Variants in EBF1 observed in about 807,000 individuals in gnomAD.
EBF1 encodes the protein EBF transcription factor 1.
Under a neutral mutation model 68.4 loss-of-function variants are expected in EBF1, and 10 were observed. The observed-to-expected ratio is 0.15, with a 90% CI of 0.09 to 0.25. The LOEUF is 0.25. Ranked by LOEUF, EBF1 falls within the 10% of genes least tolerant of loss-of-function variation. EBF1 has a pLI of 1.00. For missense variants in EBF1, 509 were observed against 794.4 expected, an observed-to-expected ratio of 0.64 and a Z score of 4.32; for synonymous variants, 298 against 299.8, an observed-to-expected ratio of 0.99 and a Z score of 0.06.
intron 10 of EBF1, among the ~76,000 whole-genome samples, chr5:158,764,464 AT>A (rs1020357715): frequency 1.3e-5 from 2 of 152,226 alleles, no homozygotes; most frequent in African/African-American, 4.8e-5. Flanking sequence ...TCCTTCACAC[AT>A]TTTTTAATGC....
Position 158,699,792 on chromosome 5 carries a change from C to T in EBF1, c.1745-650G>A, listed in dbSNP as rs758686271. Among the ~76,000 whole-genome samples, 79 of 152,296 alleles carry T rather than the reference C, an allele frequency of 5.2e-4. No individual in the cohort carries two copies. In the Middle Eastern group the frequency reaches 0.014, roughly 26 times the overall value. On this transcript the variant is annotated intron_variant, in intron 15 of 15. Coordinates refer to ENST00000313708, the MANE Select transcript of EBF1 (RefSeq NM_024007.5). ...TCTTCCATATCACGGCTTCACTCAA[C>T]GTTTCGGGAATGATCTGACCATATT...
At chr5:158,946,401 T>C (rs1020177222) in intron 6 of EBF1, among the ~76,000 whole-genome samples, 3 of 152,216 alleles carry the variant, frequency 2.0e-5, no homozygotes, top group Non-Finnish European at 4.4e-5. Flanking sequence ...GTTGATACTA[T>C]TGCTTTCTGT....
At chr5:158,708,912 C>A (rs769346421) in intron 14 of EBF1, among the ~76,000 whole-genome samples, 2 of 152,174 alleles carry the variant, frequency 1.3e-5, no homozygotes, top group Non-Finnish European at 2.9e-5. Flanking sequence ...TACATAAATA[C>A]TCACAGTTTG....
At chr5:158,835,031 C>T (rs1788439363) in intron 7 of EBF1, among the ~76,000 whole-genome samples, 1 of 152,196 alleles carries the variant, frequency 6.6e-6, no homozygotes, top group Non-Finnish European at 1.5e-5. Context: ...CACTCACCCT[C>T]AGAGGCAACA....
intron 6 of EBF1, among the ~76,000 whole-genome samples, chr5:158,955,308 A>G (rs1816839434): frequency 6.6e-6 from 1 of 151,960 alleles, no homozygotes; most frequent in Non-Finnish European, 1.5e-5. Context: ...GGGCAACAAG[A>G]GCGAAACTCC....
chr5:158,835,684 TGTTG>T (rs1246369557), intron 7 of EBF1, among the ~76,000 whole-genome samples: 1 of 152,222 alleles, frequency 6.6e-6, no homozygotes, highest in Admixed American at 6.5e-5. Context: ...AATTTTTTTT[TGTTG>T]TTGTTCCAAA....
chr5:158,739,322 CTG>C (rs1357825718), intron 10 of EBF1, among the ~76,000 whole-genome samples: 1 of 152,224 alleles, frequency 6.6e-6, no homozygotes, highest in African/African-American at 2.4e-5. Context: ...TTAGGAGAAA[CTG>C]TATTGCTCTC....
intron 6 of EBF1, among the ~76,000 whole-genome samples, chr5:158,936,604 T>A (rs770927735): frequency 1.3e-5 from 2 of 152,154 alleles, no homozygotes; most frequent in Non-Finnish European, 2.9e-5. Context: ...AAGCTCACAA[T>A]CCACAACAAG....
chr5:158,820,227 T>A (rs1187808969), intron 8 of EBF1, among the ~76,000 whole-genome samples: 1 of 150,910 alleles, frequency 6.6e-6, no homozygotes, highest in Non-Finnish European at 1.5e-5. Flanking sequence ...GAGGAGAACA[T>A]GCTTTGCCGT....
At position 158,976,088 on chromosome 5, in the gene EBF1, T is replaced by C. The variant is rs114135419; in HGVS notation, c.554+97308A>G. ...CCTTCAAAGCCAAGCTTTCATTTAT[T>C]GTCAAGACAGAATGAAATTGGTCCT... On this transcript the variant is annotated intron_variant, in intron 6 of 15. Transcript: ENST00000313708. Among the ~76,000 whole-genome samples, 536 of 152,358 alleles carry C rather than the reference T, an allele frequency of 3.5e-3. 3 individuals are homozygous for C. Among genetic ancestry groups the C allele is most frequent in the African/African-American group, 0.012 (505 of 41,580 alleles).
At position 158,711,828 on chromosome 5, in the gene EBF1, G is replaced by GAGTT. The variant is rs143625101; in HGVS notation, c.1549+322_1549+325dup. ...AGCTGGTGGTAACTGGTAGAAGTGG[G>GAGTT]AGTTAGTAACTGGGAGAAGCAGGAG... is the stretch of plus-strand genomic sequence containing the variant. On this transcript the variant is annotated intron_variant, in intron 14 of 15. Coordinates refer to ENST00000313708, the MANE Select transcript of EBF1 (RefSeq NM_024007.5). Among the ~76,000 whole-genome samples, 63 of 152,246 alleles carry GAGTT rather than the reference G, an allele frequency of 4.1e-4. 2 individuals are homozygous for GAGTT. The East Asian group carries it at 0.01, about 25-fold the overall frequency.
chr5:158,707,940 G>C, intron 15 of EBF1, 39 bp downstream of exon 15: 1 of 1,539,566 alleles, frequency 6.5e-7, no homozygotes, highest in Non-Finnish European at 8.8e-7. Context: ...TGAAGTCAGG[G>C]CATTGAATCT....
chr5:158,963,453 C>T (rs1329809097), intron 6 of EBF1, among the ~76,000 whole-genome samples: 1 of 152,194 alleles, frequency 6.6e-6, no homozygotes, highest in Non-Finnish European at 1.5e-5. Context: ...TTAGAGAATA[C>T]TCCGAAGTCC....
At chr5:159,004,784 G>C (rs1444941505) in intron 6 of EBF1, among the ~76,000 whole-genome samples, 3 of 152,140 alleles carry the variant, frequency 2.0e-5, no homozygotes, top group Non-Finnish European at 4.4e-5. Context: ...GGTGAAGGAA[G>C]GCTAAGAGTC....
intron 6 of EBF1, among the ~76,000 whole-genome samples, chr5:159,068,353 T>C (rs1233445013): frequency 1.4e-5 from 2 of 147,662 alleles, no homozygotes; most frequent in Admixed American, 6.8e-5. Flanking sequence ...GACCCAATGG[T>C]AAAAAGTATG....
At chr5:158,756,988 A>AG (rs1363967410) in intron 10 of EBF1, among the ~76,000 whole-genome samples, 5 of 151,362 alleles carry the variant, frequency 3.3e-5, no homozygotes, top group Admixed American at 1.3e-4. Flanking sequence ...AAAAAAAAAA[A>AG]AAAAAGAAAA....
chr5:158,804,723 G>T (rs1410109552), intron 8 of EBF1, among the ~76,000 whole-genome samples: 1 of 152,046 alleles, frequency 6.6e-6, no homozygotes, highest in East Asian at 1.9e-4. Context: ...TATAACTCAA[G>T]GTGTGACTAC....
Position 158,852,878 on chromosome 5 carries a change from T to C in EBF1, c.555-12768A>G, listed in dbSNP as rs1020841413. ...TCCCCGCATGTCACTTTTGAACAGCTTCAGTTTAAACCTGAAACACTGAAA... is the reference window on the plus strand; with the variant it reads ...TCCCCGCATGTCACTTTTGAACAGCCTCAGTTTAAACCTGAAACACTGAAA... On this transcript the variant is annotated intron_variant, in intron 6 of 15. Coordinates refer to ENST00000313708, the MANE Select transcript of EBF1 (RefSeq NM_024007.5). Among the ~76,000 whole-genome samples the C allele has an allele frequency of 5.9e-5, 9 of 152,198 alleles. No homozygotes were observed. In the East Asian group the frequency reaches 1.7e-3, roughly 29 times the overall value.
chr5:159,079,106 T>A (rs771927819), intron 5 of EBF1, among the ~76,000 whole-genome samples: 4 of 152,202 alleles, frequency 2.6e-5, no homozygotes, highest in Non-Finnish European at 4.4e-5. Context: ...TAAAGATGAC[T>A]TGATTTTAAA....
Sources: allele counts gnomAD v4.1 joint callset (sites outside exome capture counted in the v4.1 genomes callset), GRCh38; gene constraint gnomAD v4.1.1; transcripts MANE v1.5; gene names NCBI Gene and HGNC (gene_info 2026-07-23, HGNC 2026-07-21).